Variants in DNAH7 observed in about 807,000 individuals in gnomAD.
DNAH7 encodes axonemal beta dynein heavy chain 7.
In DNAH7, 397 loss-of-function variants were observed where a neutral mutation model predicts 444.6. That is an observed-to-expected ratio of 0.89 (90% confidence interval 0.82 to 0.97). The LOEUF is 0.97. Ranked by LOEUF, DNAH7 falls within the 50% of genes least tolerant of loss-of-function variation. DNAH7 has a pLI of 0.00. For synonymous variants in DNAH7, 1,636 were observed against 1,624.4 expected (o/e 1.01, Z -0.17); for missense variants, 4,902 against 4,800.8 (o/e 1.02, Z -0.62).
chr2:196,053,882 G>C (rs1697639635), intron 2 of DNAH7, among the ~76,000 whole-genome samples: 1 of 152,192 alleles, frequency 6.6e-6, no homozygotes, highest in Non-Finnish European at 1.5e-5. Context: ...TTAAGAGCTA[G>C]AGGGACAGGG....
At chr2:195,778,052 T>G in intron 58 of DNAH7, 67 bp from the exon 59 acceptor site, 6 of 1,358,870 alleles carry the variant, frequency 4.4e-6, no homozygotes, top group Non-Finnish European at 5.8e-6. Flanking sequence ...TTTCTTGTTT[T>G]TTCCTATTAC....
chr2:196,028,181 A>G (rs764924697), intron 5 of DNAH7, 134 bp from the exon 6 acceptor site: 1 of 667,534 alleles, frequency 1.5e-6, no homozygotes, highest in Non-Finnish European at 2.5e-6. Context: ...TTTTACAAAC[A>G]GCATACACAT....
In DNAH7 at chr2:195,922,069, CT is replaced by C; in HGVS notation, c.3935+18del. On this transcript the variant is annotated intron_variant, in intron 24 of 64. Coordinates refer to ENST00000312428, the MANE Select transcript of DNAH7 (RefSeq NM_018897.3). ...GAGTGAAAGTTATTTCCAATAGATC[CT>C]TAAATTAAAGGGTTTACCTGTAACA... The C allele has an allele frequency of 7.0e-7, 1 of 1,427,242 alleles. No individual in the cohort carries two copies. The highest frequency in any genetic ancestry group is 1.4e-5 in the African/African-American group (1 of 71,246). The allele number at this position is 1,427,242 out of a possible 1,614,324, so 88.4% of individuals were successfully genotyped here.
chr2:195,971,364 A>C (rs1691828671), intron 16 of DNAH7, among the ~76,000 whole-genome samples: 1 of 152,160 alleles, frequency 6.6e-6, no homozygotes, highest in Admixed American at 6.6e-5. Flanking sequence ...TGTGCTGGGA[A>C]GTGGATATAA....
chr2:195,853,388 G>A lies in DNAH7; in HGVS notation c.8736C>T (p.Ser2912=), dbSNP rs778101588. The change falls in exon 46 of 65, where the codon TCC becomes TCT. Residue 2912 remains serine (S), a synonymous_variant. Coordinates refer to ENST00000312428, the MANE Select transcript of DNAH7 (RefSeq NM_018897.3). The stretch of plus-strand genomic sequence containing the variant: ...AGGCTCCGAGGTAAGCAACCACTCC[G>A]GAGGAAATGAGGATATCCCCAGTCA... ...INLTGDILIS[S]GVVAYLGAFT... The A allele has an allele frequency of 1.1e-5, 17 of 1,613,858 alleles. No individual in the cohort carries two copies. The highest frequency in any genetic ancestry group is 5.0e-5 in the Admixed American group (3 of 59,984).
At chr2:196,024,068 A>T (rs185756663) in intron 8 of DNAH7, among the ~76,000 whole-genome samples, 39 of 152,332 alleles carry the variant, frequency 2.6e-4, no homozygotes, top group Admixed American at 2.4e-3. Context: ...ACAGCTCACC[A>T]TAACAGATGT....
At chr2:195,900,248 GA>G (rs780942646) in intron 28 of DNAH7, 33 bp downstream of exon 28, 2 of 1,604,246 alleles carry the variant, frequency 1.2e-6, no homozygotes, top group Non-Finnish European at 8.5e-7. Flanking sequence ...CTACAAATAG[GA>G]AATTTACAAG....
Position 195,864,282 on chromosome 2 carries a change from A to C in DNAH7, c.7373T>G (p.Phe2458Cys). The change falls in exon 41 of 65, where the codon TTC becomes TGC. Residue 2458 changes from phenylalanine (F) to cysteine (C), a missense_variant. Coordinates refer to ENST00000312428, the MANE Select transcript of DNAH7 (RefSeq NM_018897.3). ...GCGGCAATGATCAATAAACATGTTG[A>C]AAAGGGCTATGGGGCTGCCATCTGT... is the stretch of plus-strand genomic sequence containing the variant. ...KQTDGSPIALFNMFIDHCRSQ... is the reference protein window; with the variant it reads ...KQTDGSPIALCNMFIDHCRSQ... 1 of 1,614,180 alleles carries C rather than the reference A, an allele frequency of 6.2e-7. No individual in the cohort carries two copies. Among genetic ancestry groups the C allele is most frequent in the East Asian group, 2.2e-5 (1 of 44,884 alleles).
intron 19 of DNAH7, 83 bp from the exon 20 acceptor site, chr2:195,936,875 T>A: frequency 1.8e-6 from 2 of 1,113,692 alleles, no homozygotes; most frequent in Non-Finnish European, 2.4e-6. Context: ...TGAGATTATA[T>A]GTTTGTAATC....
intron 12 of DNAH7, among the ~76,000 whole-genome samples, chr2:195,998,408 T>C (rs1432712958): frequency 6.6e-6 from 1 of 151,966 alleles, no homozygotes; most frequent in East Asian, 1.9e-4. Context: ...ACCCCATCTC[T>C]ACTAAAAATA....
chr2:195,908,620 T>C (rs926655878), intron 25 of DNAH7, among the ~76,000 whole-genome samples: 1 of 152,284 alleles, frequency 6.6e-6, no homozygotes, highest in South Asian at 2.1e-4. Context: ...CATTCTTTTT[T>C]ATGGCTGAAT....
intron 28 of DNAH7, among the ~76,000 whole-genome samples, chr2:195,898,801 T>C (rs1686511257): frequency 6.6e-6 from 1 of 152,206 alleles, no homozygotes; most frequent in African/African-American, 2.4e-5. Context: ...TCCAAAATAT[T>C]TGTGGTGTAC....
chr2:195,777,758 T>A, intron 59 of DNAH7, 42 bp downstream of exon 59: 2 of 1,552,516 alleles, frequency 1.3e-6, no homozygotes, highest in Non-Finnish European at 1.8e-6. Flanking sequence ...CAAAATAATT[T>A]CATGTCTTAC....
At chr2:195,985,776 A>G (rs1692866406) in intron 14 of DNAH7, among the ~76,000 whole-genome samples, 1 of 152,218 alleles carries the variant, frequency 6.6e-6, no homozygotes, top group Admixed American at 6.5e-5. Context: ...CAGCATGAAC[A>G]GCAATAAGAA....
chr2:195,921,082 G>T (rs944292963), intron 24 of DNAH7, among the ~76,000 whole-genome samples: 17 of 152,188 alleles, frequency 1.1e-4, no homozygotes, highest in Admixed American at 7.9e-4. Context: ...TGTGGATGTA[G>T]TGAAAGGGGA....
intron 24 of DNAH7, among the ~76,000 whole-genome samples, chr2:195,916,060 T>C (rs1687654184): frequency 6.6e-6 from 1 of 152,186 alleles, no homozygotes; most frequent in Non-Finnish European, 1.5e-5. Context: ...CAAGGGCAAT[T>C]TTATGGAGAA....
intron 12 of DNAH7, among the ~76,000 whole-genome samples, chr2:195,992,079 C>CA (rs1387269842): frequency 6.6e-6 from 1 of 151,988 alleles, no homozygotes; most frequent in Non-Finnish European, 1.5e-5. Context: ...TTAGATGTTG[C>CA]AAAAAATCAG....
At chr2:196,029,519 G>A (rs879704750) in intron 5 of DNAH7, among the ~76,000 whole-genome samples, 5 of 151,808 alleles carry the variant, frequency 3.3e-5, no homozygotes, top group Non-Finnish European at 7.4e-5. Flanking sequence ...GCTCCTCACC[G>A]AGAGCAATAA....
intron 5 of DNAH7, among the ~76,000 whole-genome samples, chr2:196,030,221 G>A (rs1032095918): frequency 4.0e-5 from 6 of 151,810 alleles, no homozygotes; most frequent in Admixed American, 6.6e-5. Flanking sequence ...AGAAATGAGA[G>A]CCAAGGGAAA....
Sources: gnomAD v4.1 joint callset for allele counts (sites outside exome capture counted in the v4.1 genomes callset) on GRCh38, gnomAD v4.1.1 for gene constraint, MANE v1.5 for transcripts, NCBI Gene and HGNC (gene_info 2026-07-23, HGNC 2026-07-21) for gene names.